The following CATSPERG variants were observed in gnomAD, a reference collection of about 807,000 sequenced individuals.
The protein encoded by CATSPERG is catsper channel auxiliary subunit gamma.
A neutral mutation model predicts 145.0 loss-of-function variants in CATSPERG; 115 were observed. That is an observed-to-expected ratio of 0.79 (90% CI 0.68 to 0.93). The LOEUF is 0.93. Among genes scored for constraint, CATSPERG ranks in the 40% least tolerant of loss-of-function variants. CATSPERG has a pLI of 0.00. For missense variants in CATSPERG, 1,296 were observed against 1,490.1 expected (o/e 0.87, Z 2.14); for synonymous variants, 588 against 589.0 (o/e 1.00, Z 0.02).
chr19:38,337,115 G>A lies in CATSPERG; in HGVS notation c.-14-106G>A, dbSNP rs1969853647. On this transcript the variant is annotated intron_variant, in intron 1 of 28. Transcript: ENST00000409235. ...CGGGGCCAGGAGCAAGAGCCGGGGC[G>A]TGGCCAGGAGCAAGTGCTGTGAGAG... The A allele has an allele frequency of 4.4e-6, 6 of 1,357,022 alleles. No individual in the cohort carries two copies. In the African/African-American group the frequency reaches 5.8e-5, roughly 13 times the overall value. 84.1% of individuals were successfully genotyped at this position (1,357,022 alleles called of 1,614,324 possible). A position where few individuals can be genotyped will look rare whatever the true frequency, so the allele number is the denominator to read the frequency against.
intron 9 of CATSPERG, among the ~76,000 whole-genome samples, chr19:38,355,767 AC>A (rs1401052516): frequency 6.6e-6 from 1 of 152,218 alleles, no homozygotes; most frequent in East Asian, 1.9e-4. Flanking sequence ...TGAAAAGACT[AC>A]GGTTCAACTT....
intron 13 of CATSPERG, among the ~76,000 whole-genome samples, chr19:38,358,957 C>T (rs1970296455): frequency 6.6e-6 from 1 of 152,118 alleles, no homozygotes; most frequent in African/African-American, 2.4e-5. Context: ...TCAAGCGATT[C>T]TCCTGCATCA....
At position 38,361,772 on chromosome 19, in the gene CATSPERG, G is replaced by A. The variant is rs1472887628; in HGVS notation, c.2005G>A (p.Glu669Lys). The change falls in exon 17 of 29, where the codon GAG (glutamate) becomes AAG (lysine). Residue 669 changes from glutamate (E) to lysine (K), a missense_variant. Glu to Lys is a moderately conservative substitution (Grantham distance 56, BLOSUM62 1). Transcript: ENST00000409235. ...CCGGGCGCGGCCGCCGCGCGTCCTG[G>A]AGCGCTCGGGCTTCCACAACGAGAA... is the stretch of plus-strand genomic sequence containing the variant. Reference protein sequence around the residue: ...RYRARPPRVLERSGFHNENSL... With the variant: ...RYRARPPRVLKRSGFHNENSL... 1 of 1,613,176 alleles carries A rather than the reference G, an allele frequency of 6.2e-7. No individual in the cohort carries two copies. Among genetic ancestry groups the A allele is most frequent in the Non-Finnish European group, 8.5e-7 (1 of 1,179,668 alleles).
chr19:38,345,507 A>AT (rs371421306), intron 6 of CATSPERG, among the ~76,000 whole-genome samples: 2,252 of 130,056 alleles, frequency 0.017, 31 homozygotes, highest in African/African-American at 0.039. Flanking sequence ...CCCATATTCA[A>AT]TTTTTTTTTT....
intron 14 of CATSPERG, chr19:38,360,190 G>A (rs1342071002): frequency 3.0e-6 from 3 of 985,280 alleles, no homozygotes; most frequent in South Asian, 4.7e-5. Flanking sequence ...AACCGTGGCT[G>A]TTAGGGAGTG....
At position 38,335,845 on chromosome 19, in the gene CATSPERG, T is replaced by G; in HGVS notation, c.-45T>G. 2 of 189,492 alleles carry G rather than the reference T, an allele frequency of 1.1e-5. No individual in the cohort carries two copies. Among genetic ancestry groups the G allele is most frequent in the African/African-American group, 2.7e-5 (1 of 37,004 alleles). The allele number at this position is 189,492 out of a possible 1,614,324, so 11.7% of individuals were successfully genotyped here. ...GAGGGGCGGGACTGGTGCGGCCGAG[T>G]GACAGTTGACCGGTTTTAACCAAGT... On this transcript the variant is annotated 5_prime_UTR_variant, in exon 1 of 29. Transcript: ENST00000409235.
chr19:38,343,783 G>A (rs1440513498), intron 4 of CATSPERG, 59 bp downstream of exon 4: 31 of 1,516,034 alleles, frequency 2.0e-5, no homozygotes, highest in Non-Finnish European at 2.5e-5. Context: ...GTTTGCTGGG[G>A]GCCTCTGTGG....
chr19:38,356,944 G>C lies in CATSPERG; in HGVS notation c.1315+83G>C, dbSNP rs1970254837. 5.8e-6 allele frequency: 9 copies of C among 1,553,520 alleles called. No homozygotes were observed. The South Asian group carries it at 1.1e-4, about 19-fold the overall frequency. On this transcript the variant is annotated intron_variant, in intron 11 of 28. Coordinates refer to ENST00000409235, the MANE Select transcript of CATSPERG (RefSeq NM_021185.5). ...TGCATGCCCATCCTGAGGGATCTGT[G>C]CCCAGCAGACAGAGGGAGGGCAACA...
intron 11 of CATSPERG, among the ~76,000 whole-genome samples, chr19:38,357,437 T>C (rs1970263745): frequency 1.4e-5 from 2 of 147,858 alleles, no homozygotes; most frequent in African/African-American, 5.0e-5. Flanking sequence ...GGTGGGAGGA[T>C]AGCATAAGCC....
intron 13 of CATSPERG, 51 bp from the exon 14 acceptor site, chr19:38,359,419 G>T (rs1373616968): frequency 8.3e-7 from 1 of 1,202,030 alleles, no homozygotes; most frequent in Admixed American, 1.7e-5. Context: ...CCTGGGATTG[G>T]GGGAAGCGGC....
intron 16 of CATSPERG, among the ~76,000 whole-genome samples, chr19:38,361,433 C>T (rs1377394140): frequency 6.6e-6 from 1 of 151,812 alleles, no homozygotes; most frequent in Non-Finnish European, 1.5e-5. Flanking sequence ...GGCGACTGCC[C>T]GTTGAGTAGG....
intron 3 of CATSPERG, among the ~76,000 whole-genome samples, chr19:38,338,557 CTG>C (rs1969883785): frequency 6.6e-6 from 1 of 151,984 alleles, no homozygotes; most frequent in Non-Finnish European, 1.5e-5. Flanking sequence ...GGGTCTCACT[CTG>C]TTACCCAGGC....
chr19:38,348,639 A>G (rs1391370242), intron 7 of CATSPERG, among the ~76,000 whole-genome samples: 1 of 151,670 alleles, frequency 6.6e-6, no homozygotes, highest in East Asian at 1.9e-4. Context: ...ACACCCAGCT[A>G]ATTTTGTATT....
At position 38,360,557 on chromosome 19, in the gene CATSPERG, C is replaced by T; in HGVS notation, c.1677C>T (p.His559=). ...QLFPSKGWQV[H]ISLKLMQQSS... ...TCCCTTCCAAGGGCTGGCAGGTGCACATCAGCTTAAAGCTGATGCAACAGT... is the reference window on the plus strand; with the variant it reads ...TCCCTTCCAAGGGCTGGCAGGTGCATATCAGCTTAAAGCTGATGCAACAGT... Residue 559 remains histidine (H), a synonymous_variant, in exon 15 of 29, where the codon CAC becomes CAT. Transcript: ENST00000409235. 6.2e-7 allele frequency: 1 copy of T among 1,614,200 alleles called. No individual in the cohort carries two copies.
At chr19:38,351,727 C>T (rs1970144918) in intron 7 of CATSPERG, among the ~76,000 whole-genome samples, 1 of 151,530 alleles carries the variant, frequency 6.6e-6, no homozygotes, top group Non-Finnish European at 1.5e-5. Context: ...GGTAACATAG[C>T]GAGACCTCAC....
At chr19:38,336,415 G>A (rs548888944) in intron 1 of CATSPERG, 1 of 336,836 alleles carries the variant, frequency 3.0e-6, no homozygotes, top group Non-Finnish European at 5.9e-6. Context: ...GGAAGGAACG[G>A]GTCCATAAAG....
At chr19:38,364,675 C>T (rs1453248300) in intron 20 of CATSPERG, among the ~76,000 whole-genome samples, 1 of 152,258 alleles carries the variant, frequency 6.6e-6, no homozygotes, top group African/African-American at 2.4e-5. Context: ...ATCCCGGCAC[C>T]TCGGGAGGCC....
At position 38,362,871 on chromosome 19, in the gene CATSPERG, G is replaced by GTTT. The variant is rs553363428; in HGVS notation, c.2475+61_2475+63dup. 1,420 of 449,322 alleles carry GTTT rather than the reference G, an allele frequency of 3.2e-3. 5 individuals are homozygous for GTTT. The highest frequency in any genetic ancestry group is 3.5e-3 in the Non-Finnish European group (923 of 261,976). The allele number at this position is 449,322 out of a possible 1,614,324, so 27.8% of individuals were successfully genotyped here. On this transcript the variant is annotated intron_variant, in intron 20 of 28. Coordinates refer to ENST00000409235, the MANE Select transcript of CATSPERG (RefSeq NM_021185.5). ...GGGAGTTGGGATCAAGGGAGGTTTT[G>GTTT]TTTTTTTTTTTTTTTTTTTTTTTTG...
rs765911099 is a variant in CATSPERG, at chr19:38,337,729, A to T, written c.324+83A>T. ...ACATTTTTATTTATTTATTTATTTTATTTTTTTGAGACGGAGTCTTGCGCT... is the reference window on the plus strand; with the variant it reads ...ACATTTTTATTTATTTATTTATTTTTTTTTTTTGAGACGGAGTCTTGCGCT... On this transcript the variant is annotated intron_variant, in intron 3 of 28. Coordinates refer to ENST00000409235, the MANE Select transcript of CATSPERG (RefSeq NM_021185.5). 1.3e-5 allele frequency: 17 copies of T among 1,297,914 alleles called. No homozygotes were observed. The South Asian group carries it at 2.3e-4, about 18-fold the overall frequency. 80.4% of individuals were successfully genotyped at this position (1,297,914 alleles called of 1,614,324 possible).
Sources: allele counts gnomAD v4.1 joint callset (sites outside exome capture counted in the v4.1 genomes callset), GRCh38; gene constraint gnomAD v4.1.1; transcripts MANE v1.5; gene names NCBI Gene and HGNC (gene_info 2026-07-23, HGNC 2026-07-21).